PTPRD: variants seen among roughly 807,000 people sequenced by gnomAD.
PTPRD encodes the protein protein tyrosine phosphatase receptor type D.
In PTPRD, 34 loss-of-function variants were observed where a neutral mutation model predicts 214.5. The ratio of observed to expected loss-of-function variants is 0.16; its 90% confidence interval spans 0.12 to 0.21. PTPRD has a LOEUF of 0.21. Ranked by LOEUF, PTPRD falls within the 10% of genes least tolerant of loss-of-function variation. The pLI, the probability that PTPRD is intolerant of heterozygous loss-of-function variation, is 1.00. For missense variants in PTPRD, 2,545 were observed against 2,398.7 expected, an observed-to-expected ratio of 1.06 and a Z score of -1.27; for synonymous variants, 1,128 against 845.7, an observed-to-expected ratio of 1.33 and a Z score of -5.79.
intron 7 of PTPRD, among the ~76,000 whole-genome samples, chr9:9,670,262 A>G (rs930570980): frequency 3.3e-5 from 5 of 151,906 alleles, no homozygotes; most frequent in Non-Finnish European, 7.4e-5. Flanking sequence ...TCATCTTTGA[A>G]CTTGAGAGAG....
intron 2 of PTPRD, among the ~76,000 whole-genome samples, chr9:10,553,680 C>G (rs1003653422): frequency 2.0e-5 from 3 of 152,086 alleles, no homozygotes; most frequent in Non-Finnish European, 2.9e-5. Context: ...AAATCCAATT[C>G]ATTTTAAGAA....
intron 3 of PTPRD, among the ~76,000 whole-genome samples, chr9:10,100,011 C>T (rs979280618): frequency 6.6e-6 from 1 of 151,578 alleles, no homozygotes; most frequent in African/African-American, 2.4e-5. Flanking sequence ...TCACCTTCTC[C>T]CAAATGTATA....
intron 3 of PTPRD, among the ~76,000 whole-genome samples, chr9:10,249,344 T>C (rs942435855): frequency 6.6e-6 from 1 of 152,212 alleles, no homozygotes; most frequent in Admixed American, 6.5e-5. Context: ...TTTTTTTCCA[T>C]GAGTAACAGG....
At chr9:8,531,282 T>C (rs554071016) in intron 14 of PTPRD, among the ~76,000 whole-genome samples, 1 of 152,218 alleles carries the variant, frequency 6.6e-6, no homozygotes, top group East Asian at 1.9e-4. Flanking sequence ...CTGGTTTTAA[T>C]AATCTATTCC....
intron 9 of PTPRD, among the ~76,000 whole-genome samples, chr9:9,242,503 T>C (rs367725152): frequency 6.5e-4 from 99 of 152,308 alleles, no homozygotes; most frequent in African/African-American, 2.4e-3. Context: ...AGATTTGGTC[T>C]TTTCACATAG....
chr9:8,860,779 CA>C (rs985610755), intron 11 of PTPRD: 1 of 152,096 alleles, frequency 6.6e-6, no homozygotes, highest in African/African-American at 2.4e-5. Context: ...CTCGTTTTTA[CA>C]GGTAAAGAAA....
At chr9:10,082,838 C>G (rs111711459) in intron 3 of PTPRD, among the ~76,000 whole-genome samples, 1 of 119,578 alleles carries the variant, frequency 8.4e-6, no homozygotes. Context: ...CACACACACA[C>G]AAACACACAC....
At chr9:9,181,935 A>G (rs186757571) in intron 10 of PTPRD, among the ~76,000 whole-genome samples, 1 of 152,172 alleles carries the variant, frequency 6.6e-6, no homozygotes, top group African/African-American at 2.4e-5. Flanking sequence ...ATGTGCTTGG[A>G]AAATGGAAAC....
At chr9:8,522,353 T>A (rs62534050) in intron 19 of PTPRD, among the ~76,000 whole-genome samples, 1 of 152,064 alleles carries the variant, frequency 6.6e-6, no homozygotes. Flanking sequence ...AGTATAACGA[T>A]TGAAACACAG....
intron 12 of PTPRD, among the ~76,000 whole-genome samples, chr9:8,718,060 G>A (rs1056000786): frequency 1.3e-5 from 2 of 152,320 alleles, no homozygotes; most frequent in Non-Finnish European, 2.9e-5. Flanking sequence ...AGATGGACCT[G>A]GAAGAGGAGG....
chr9:10,020,411 C>T (rs1004481195), intron 4 of PTPRD, among the ~76,000 whole-genome samples: 2 of 146,794 alleles, frequency 1.4e-5, no homozygotes, highest in African/African-American at 5.1e-5. Flanking sequence ...AAGCGATTCT[C>T]TTGCCTCAGC....
chr9:8,992,129 T>C (rs1044906393), intron 11 of PTPRD, among the ~76,000 whole-genome samples: 3 of 152,126 alleles, frequency 2.0e-5, no homozygotes, highest in African/African-American at 7.2e-5. Flanking sequence ...CTGATGATAC[T>C]ATTATGACAG....
intron 7 of PTPRD, among the ~76,000 whole-genome samples, chr9:9,731,604 C>T (rs1299605547): frequency 2.0e-5 from 3 of 151,900 alleles, no homozygotes; most frequent in African/African-American, 7.3e-5. Context: ...TGCTATCCTT[C>T]CCCCCTCCCT....
intron 2 of PTPRD, among the ~76,000 whole-genome samples, chr9:10,412,854 G>A (rs1323624363): frequency 6.6e-6 from 1 of 151,474 alleles, no homozygotes; most frequent in Non-Finnish European, 1.5e-5. Context: ...AGAAGTAAAG[G>A]CAAAAGCCAC....
chr9:9,668,020 T>C (rs533076491), intron 7 of PTPRD, among the ~76,000 whole-genome samples: 3 of 152,114 alleles, frequency 2.0e-5, no homozygotes, highest in Admixed American at 1.3e-4. Flanking sequence ...CAGATTATCA[T>C]CCATTTTCAA....
chr9:8,840,501 T>A (rs1444897869), intron 11 of PTPRD, among the ~76,000 whole-genome samples: 2 of 152,228 alleles, frequency 1.3e-5, no homozygotes, highest in Non-Finnish European at 1.5e-5. Context: ...GTTTGGGGTA[T>A]GTCTTTATTA....
intron 10 of PTPRD, among the ~76,000 whole-genome samples, chr9:9,161,167 A>G (rs7852050): frequency 0.24 from 36,007 of 151,944 alleles, 5,673 homozygotes; most frequent in African/African-American, 0.44. Flanking sequence ...GATGTATTGT[A>G]TATTTCAGAA....
At chr9:8,989,708 T>C (rs571633683) in intron 11 of PTPRD, among the ~76,000 whole-genome samples, 1 of 152,262 alleles carries the variant, frequency 6.6e-6, no homozygotes, top group South Asian at 2.1e-4. Context: ...ATTTAAGATA[T>C]AGAAAGTTCA....
Position 8,663,480 on chromosome 9 carries a change from T to C in PTPRD, c.65-26636A>G, listed in dbSNP as rs1407414827. On this transcript the variant is annotated intron_variant, in intron 12 of 45. Transcript: ENST00000381196. ...TAGCTGTGATTGAGGATTTTAATAG[T>C]GTATTTTTGTTGTTGTTATTTATTT... Among the ~76,000 whole-genome samples, 7 of 151,938 alleles carry C rather than the reference T, an allele frequency of 4.6e-5. No homozygotes were observed. In the South Asian group the frequency reaches 1.2e-3, roughly 27 times the overall value.
Sources: gnomAD v4.1 joint callset for allele counts (sites outside exome capture counted in the v4.1 genomes callset) on GRCh38, gnomAD v4.1.1 for gene constraint, MANE v1.5 for transcripts, NCBI Gene and HGNC (gene_info 2026-07-23, HGNC 2026-07-21) for gene names.